ANKRD26: variants seen among roughly 807,000 people sequenced by gnomAD.
The protein encoded by ANKRD26 is ankyrin repeat domain-containing protein 26.
In ANKRD26, 141 loss-of-function variants were observed where a neutral mutation model predicts 208.7. The ratio of observed to expected loss-of-function variants is 0.68; its 90% CI spans 0.59 to 0.78. The LOEUF is 0.78. Ranked by LOEUF, ANKRD26 falls within the 30% of genes least tolerant of loss-of-function variation. The probability of loss-of-function intolerance (pLI) is 0.00; values close to 1 mark genes in which losing one functional copy is unlikely to be tolerated. For synonymous variants in ANKRD26, 636 were observed against 660.4 expected, an observed-to-expected ratio of 0.96 and a Z score of 0.57; for missense variants, 1,889 against 1,938.7, an observed-to-expected ratio of 0.97 and a Z score of 0.48.
intron 9 of ANKRD26, among the ~76,000 whole-genome samples, chr10:27,072,502 G>A (rs1482598022): frequency 2.6e-5 from 4 of 152,156 alleles, no homozygotes; most frequent in African/African-American, 9.7e-5. Flanking sequence ...CACCTGCCAT[G>A]GTAGCATAAC....
intron 1 of ANKRD26, among the ~76,000 whole-genome samples, chr10:27,098,138 ATCT>A (rs1437078597): frequency 6.6e-6 from 1 of 151,998 alleles, no homozygotes; most frequent in Non-Finnish European, 1.5e-5. Flanking sequence ...TTTATTTTTT[ATCT>A]TCTTAATTTT....
intron 28 of ANKRD26, among the ~76,000 whole-genome samples, chr10:27,023,186 A>G (rs2053546411): frequency 6.6e-6 from 1 of 151,926 alleles, no homozygotes; most frequent in Non-Finnish European, 1.5e-5. Context: ...AAAATTAGCC[A>G]GGCGTGGTGG....
chr10:27,091,204 T>C (rs1389015542), intron 4 of ANKRD26, among the ~76,000 whole-genome samples: 1 of 152,226 alleles, frequency 6.6e-6, no homozygotes, highest in Non-Finnish European at 1.5e-5. Context: ...ATAATCTTAT[T>C]TAAATACAAC....
intron 4 of ANKRD26, chr10:27,088,563 A>G (rs995797994): frequency 3.9e-5 from 6 of 152,182 alleles, no homozygotes; most frequent in South Asian, 4.1e-4. Flanking sequence ...AAATATTTTA[A>G]AAACTTAAGG....
At chr10:27,023,345 A>AG (rs2135044960) in intron 28 of ANKRD26, among the ~76,000 whole-genome samples, 2 of 152,216 alleles carry the variant, frequency 1.3e-5, no homozygotes, top group South Asian at 4.1e-4. Flanking sequence ...AGGGAAAAAA[A>AG]AAAAGAAAAG....
downstream of ANKRD26, among the ~76,000 whole-genome samples, chr10:26,970,103 T>C (rs1266913065): frequency 1.3e-5 from 2 of 152,182 alleles, no homozygotes; most frequent in Non-Finnish European, 2.9e-5. Flanking sequence ...ATTACAGGTG[T>C]GAGCCACTTC....
At chr10:27,017,159 T>C (rs571651155) in intron 30 of ANKRD26, among the ~76,000 whole-genome samples, 7 of 152,290 alleles carry the variant, frequency 4.6e-5, no homozygotes, top group African/African-American at 1.7e-4. Flanking sequence ...AAAGATAAAA[T>C]TAATTAAAAA....
intron 29 of ANKRD26, among the ~76,000 whole-genome samples, chr10:27,021,964 T>G (rs897796343): frequency 6.6e-6 from 1 of 152,208 alleles, no homozygotes; most frequent in Non-Finnish European, 1.5e-5. Context: ...ATGCATAGTT[T>G]GCAAAAATTT....
At position 27,035,740 on chromosome 10, in the gene ANKRD26, G is replaced by T; in HGVS notation, c.2710C>A (p.His904Asn). 1 of 1,605,026 alleles carries T rather than the reference G, an allele frequency of 6.2e-7. No individual in the cohort carries two copies. The highest frequency in any genetic ancestry group is 1.1e-5 in the South Asian group (1 of 90,190). Residue 904 changes from histidine (H) to asparagine (N), a missense_variant, in exon 24 of 34, where the codon CAT (histidine) becomes AAT (asparagine). Physicochemically the swap from His to Asn is moderately conservative, Grantham distance 68. This residue lies in a region of ANKRD26 where 1,272 missense variants were observed against 1,273.8 expected (regional missense o/e 1.00). Transcript: ENST00000376087. The part of the protein sequence containing the change: ...KKMNSENSHS[H>N]EEEKDLSHKN... ...TGCGATAGGTCTTTTTCTTCTTCAT[G>T]ACTATGAGAATTCTAAGTAAAACAA...
intron 12 of ANKRD26, among the ~76,000 whole-genome samples, chr10:27,063,543 A>G (rs1271348603): frequency 6.6e-6 from 1 of 151,792 alleles, no homozygotes; most frequent in Non-Finnish European, 1.5e-5. Context: ...CTGGTCTCGG[A>G]CTCCTGACCT....
intron 17 of ANKRD26, 101 bp from the exon 18 acceptor site, chr10:27,046,624 T>G: frequency 8.5e-7 from 1 of 1,175,188 alleles, no homozygotes; most frequent in African/African-American, 1.6e-5. Flanking sequence ...AAAAAATCCA[T>G]TAAAAAGCCA....
At chr10:27,013,845 A>G (rs2053201072) in intron 31 of ANKRD26, among the ~76,000 whole-genome samples, 1 of 152,196 alleles carries the variant, frequency 6.6e-6, no homozygotes, top group Non-Finnish European at 1.5e-5. Flanking sequence ...CATTGTCCCC[A>G]AGGCATCAGA....
chr10:27,033,722 G>A (rs972221201), intron 24 of ANKRD26, among the ~76,000 whole-genome samples: 7 of 152,172 alleles, frequency 4.6e-5, no homozygotes, highest in Non-Finnish European at 1.0e-4. Context: ...TGTACCCTAT[G>A]AAACATTTTT....
chr10:27,072,312 C>G (rs930955662), intron 9 of ANKRD26, among the ~76,000 whole-genome samples: 7 of 152,182 alleles, frequency 4.6e-5, no homozygotes, highest in Admixed American at 2.6e-4. Flanking sequence ...CTGATATCCC[C>G]AGCTCCTTCT....
intron 29 of ANKRD26, among the ~76,000 whole-genome samples, chr10:27,019,970 C>A (rs758844682): frequency 1.3e-5 from 2 of 152,174 alleles, no homozygotes; most frequent in Non-Finnish European, 2.9e-5. Flanking sequence ...GACTGGAACT[C>A]CTAGGCTGCC....
At chr10:26,972,740 G>A (rs1401607229), downstream of ANKRD26, among the ~76,000 whole-genome samples, 2 of 151,628 alleles carry the variant, frequency 1.3e-5, no homozygotes, top group African/African-American at 4.8e-5. Flanking sequence ...ACAGGCGCCC[G>A]CCACCGTGCC....
At chr10:27,067,979 T>C (rs1032659320) in intron 9 of ANKRD26, among the ~76,000 whole-genome samples, 5 of 152,176 alleles carry the variant, frequency 3.3e-5, no homozygotes, top group African/African-American at 1.2e-4. Flanking sequence ...TATAATTCAC[T>C]AGTTCTACAA....
the ANKRD26 span, among the ~76,000 whole-genome samples, chr10:26,963,973 G>C: frequency 1.6e-5 from 2 of 126,922 alleles, no homozygotes; most frequent in African/African-American, 3.1e-5. Context: ...GTGCAGTGAT[G>C]CGTTCTCGGC....
chr10:27,033,372 A>C lies in ANKRD26; in HGVS notation c.3660T>G (p.Val1220=). Residue 1220 remains valine (V), a synonymous_variant, in exon 25 of 34, where the codon GTT becomes GTG. Transcript: ENST00000376087. ...YENEKAEREV[V]VRQLQQELAD... ...CTAGTTCTTGTTGAAGTTGTCTCAC[A>C]ACAACCTGATAAGACATTTTGTTAC... is the stretch of plus-strand genomic sequence containing the variant. 1.9e-6 allele frequency: 3 copies of C among 1,609,302 alleles called. No homozygotes were observed. Among genetic ancestry groups the C allele is most frequent in the Non-Finnish European group, 2.5e-6 (3 of 1,177,002 alleles).
Sources: gnomAD v4.1 joint callset for allele counts (sites outside exome capture counted in the v4.1 genomes callset) on GRCh38, gnomAD v4.1.1 for gene constraint, gnomAD v4.1.1 regional missense constraint, MANE v1.5 for transcripts, NCBI Gene and HGNC (gene_info 2026-07-23, HGNC 2026-07-21) for gene names.